GALNT13: variants seen among roughly 807,000 people sequenced by gnomAD.
The protein encoded by GALNT13 is UDP-GalNAc:polypeptide N-acetylgalactosaminyltransferase 13.
In GALNT13, 28 loss-of-function variants were observed where a neutral mutation model predicts 64.2. The observed-to-expected ratio is 0.44, with a 90% CI of 0.32 to 0.60. GALNT13 has a LOEUF of 0.60. Among genes scored for constraint, GALNT13 ranks in the 20% least tolerant of loss-of-function variants. GALNT13 has a pLI of 0.05. For synonymous variants in GALNT13, 214 were observed against 224.6 expected (o/e 0.95, Z 0.42); for missense variants, 577 against 669.8 (o/e 0.86, Z 1.53).
chr2:154,329,541 A>G (rs1447190643), intron 9 of GALNT13, among the ~76,000 whole-genome samples: 1 of 152,110 alleles, frequency 6.6e-6, no homozygotes, highest in Non-Finnish European at 1.5e-5. Context: ...AGTTTTACAC[A>G]TTTTGGAAAC....
chr2:153,148,683 C>T, the GALNT13 span, among the ~76,000 whole-genome samples: 1 of 151,702 alleles, frequency 6.6e-6, no homozygotes, highest in East Asian at 1.9e-4. Flanking sequence ...GATTCCATTG[C>T]TTGTTAAGAC....
the GALNT13 span, among the ~76,000 whole-genome samples, chr2:153,433,255 A>C: frequency 6.6e-6 from 1 of 152,226 alleles, no homozygotes; most frequent in Non-Finnish European, 1.5e-5. Flanking sequence ...AAAAAATAAG[A>C]AATTGTGGTC....
the GALNT13 span, among the ~76,000 whole-genome samples, chr2:153,289,034 C>T: frequency 6.6e-6 from 1 of 152,152 alleles, no homozygotes; most frequent in Non-Finnish European, 1.5e-5. Flanking sequence ...TGAAGCTTTG[C>T]GTCCCATGAC....
chr2:154,380,798 A>T (rs1698230525), intron 9 of GALNT13, among the ~76,000 whole-genome samples: 1 of 151,946 alleles, frequency 6.6e-6, no homozygotes. Context: ...TAATGTGTTG[A>T]TGGGGGCTGC....
chr2:154,208,162 A>G (rs1351994856), intron 4 of GALNT13, among the ~76,000 whole-genome samples: 1 of 152,210 alleles, frequency 6.6e-6, no homozygotes, highest in Non-Finnish European at 1.5e-5. Context: ...AGCTGTAAAA[A>G]GAGCAAGAAA....
chr2:153,111,236 T>C, the GALNT13 span, among the ~76,000 whole-genome samples: 1 of 152,104 alleles, frequency 6.6e-6, no homozygotes, highest in East Asian at 1.9e-4. Context: ...TTGAGAGATA[T>C]TAAAGAATGA....
At chr2:153,430,527 GGAGAGA>G in the GALNT13 span, among the ~76,000 whole-genome samples, 47 of 140,888 alleles carry the variant, frequency 3.3e-4, no homozygotes, top group South Asian at 1.2e-3. Context: ...AGGTAGGTAG[GGAGAGA>G]GAGAGAGAGA....
At chr2:153,141,613 A>G in the GALNT13 span, among the ~76,000 whole-genome samples, 1 of 152,008 alleles carries the variant, frequency 6.6e-6, no homozygotes, top group African/African-American at 2.4e-5. Flanking sequence ...GTGGAGCTTC[A>G]TCATGCAGAG....
chr2:153,449,058 GTCTC>G, the GALNT13 span, among the ~76,000 whole-genome samples: 6 of 151,722 alleles, frequency 4.0e-5, no homozygotes, highest in African/African-American at 1.5e-4. Flanking sequence ...CTGTCTCTCT[GTCTC>G]TCTCTCTCCT....
the GALNT13 span, among the ~76,000 whole-genome samples, chr2:153,735,549 A>G: frequency 6.6e-6 from 1 of 152,194 alleles, no homozygotes; most frequent in Non-Finnish European, 1.5e-5. Flanking sequence ...TAAGATGACC[A>G]CCATAATTCC....
chr2:154,377,731 T>C (rs1340230679), intron 9 of GALNT13, among the ~76,000 whole-genome samples: 1 of 152,140 alleles, frequency 6.6e-6, no homozygotes. Context: ...TAGAAGTACA[T>C]GAAACAGACA....
chr2:154,369,363 G>A (rs1697553244), intron 9 of GALNT13, among the ~76,000 whole-genome samples: 1 of 152,086 alleles, frequency 6.6e-6, no homozygotes. Flanking sequence ...TAATACATAT[G>A]TGCCTGATTT....
the GALNT13 span, among the ~76,000 whole-genome samples, chr2:153,099,582 G>T: frequency 6.6e-6 from 1 of 152,124 alleles, no homozygotes; most frequent in East Asian, 1.9e-4. Context: ...GCTTAAATGA[G>T]AATTATTTAA....
chr2:153,326,128 C>T, the GALNT13 span, among the ~76,000 whole-genome samples: 1 of 152,132 alleles, frequency 6.6e-6, no homozygotes, highest in African/African-American at 2.4e-5. Context: ...CTTTGTAGGT[C>T]TCCAAGAACT....
the GALNT13 span, among the ~76,000 whole-genome samples, chr2:153,172,495 A>G: frequency 7.3e-4 from 111 of 152,196 alleles, no homozygotes; most frequent in South Asian, 1.2e-3. Flanking sequence ...TTAAAGCACC[A>G]CTGAGAGCTG....
chr2:154,119,028 T>C (rs1681773825), intron 3 of GALNT13, among the ~76,000 whole-genome samples: 1 of 152,188 alleles, frequency 6.6e-6, no homozygotes, highest in African/African-American at 2.4e-5. Context: ...AATGTTGTTT[T>C]ACTTATACCA....
At chr2:153,453,859 A>G in the GALNT13 span, among the ~76,000 whole-genome samples, 2 of 152,200 alleles carry the variant, frequency 1.3e-5, no homozygotes, top group Non-Finnish European at 2.9e-5. Flanking sequence ...AAGACGTAGA[A>G]CCAGAGTAGG....
chr2:153,503,240 T>G, the GALNT13 span, among the ~76,000 whole-genome samples: 3 of 152,162 alleles, frequency 2.0e-5, no homozygotes, highest in African/African-American at 7.2e-5. Flanking sequence ...TGACCCATCT[T>G]GAGTTGATTT....
the GALNT13 span, among the ~76,000 whole-genome samples, chr2:153,827,261 G>T: frequency 1.3e-5 from 2 of 152,032 alleles, no homozygotes; most frequent in Non-Finnish European, 2.9e-5. Flanking sequence ...CCACCACGAT[G>T]ATTCAATTAC....
Sources: allele counts gnomAD v4.1 joint callset (sites outside exome capture counted in the v4.1 genomes callset), GRCh38; gene constraint gnomAD v4.1.1; transcripts MANE v1.5; gene names NCBI Gene and HGNC (gene_info 2026-07-23, HGNC 2026-07-21).